TMEM201: variants seen among roughly 807,000 people sequenced by gnomAD.
TMEM201 encodes RP13-15M17.2.
TMEM201 carries 26 observed loss-of-function variants against 63.4 expected under a neutral mutation model. The ratio of observed to expected loss-of-function variants is 0.41; its 90% CI spans 0.30 to 0.57. The LOEUF is 0.57. TMEM201 is among the 20% of genes least tolerant of loss of function. The probability of loss-of-function intolerance (pLI) is 0.29; values close to 1 mark genes in which losing one functional copy is unlikely to be tolerated. For missense variants in TMEM201, 794 were observed against 917.7 expected, an observed-to-expected ratio of 0.87 and a Z score of 1.74; for synonymous variants, 417 against 421.6, an observed-to-expected ratio of 0.99 and a Z score of 0.14.
rs765954888 is a variant in TMEM201, at chr1:9,601,450, A to G, written c.952A>G (p.Ile318Val). ...GCTGGCAATGCTGCTGGCTGGCCGC[A>G]TCAGGTGTGCATGGGGCCAGGGCCA... ...CLLAMLLAGRIRLRRIDAFCT... is the reference protein window; with the variant it reads ...CLLAMLLAGRVRLRRIDAFCT... The change falls in exon 5 of 11, where the codon ATC becomes GTC. Residue 318 changes from isoleucine (I) to valine (V), a missense_variant. Physicochemically the swap from Ile to Val is conservative, Grantham distance 29 (BLOSUM62 3). Coordinates refer to ENST00000340381, the MANE Select transcript of TMEM201 (RefSeq NM_001130924.3). The G allele has an allele frequency of 3.2e-6, 5 of 1,582,788 alleles. No homozygotes were observed. In the African/African-American group the frequency reaches 6.7e-5, roughly 21 times the overall value.
In TMEM201 at chr1:9,596,083, C is replaced by A. The variant is rs977513983; in HGVS notation, c.234+73C>A. On this transcript the variant is annotated intron_variant, in intron 2 of 10. Transcript: ENST00000340381. ...CTTGAGATTTGCACCTTGAGACCAC[C>A]CTGTGTCCCTGCCCTGCCCCGGGGC... 6.4e-6 allele frequency: 10 copies of A among 1,559,326 alleles called. No homozygotes were observed. The East Asian group carries it at 6.9e-5, about 11-fold the overall frequency.
chr1:9,589,669 A>G (rs1250395916), intron 1 of TMEM201, among the ~76,000 whole-genome samples: 1 of 152,222 alleles, frequency 6.6e-6, no homozygotes, highest in African/African-American at 2.4e-5. Flanking sequence ...TGCCCGGCTC[A>G]CGGGCCATGC....
rs1644190660 is a variant in TMEM201 at position 9,603,679 on chromosome 1, C to T, written c.1160+1407C>T. 5 of 985,498 alleles carry T rather than the reference C, an allele frequency of 5.1e-6. No individual in the cohort carries two copies. The highest frequency in any genetic ancestry group is 6.0e-6 in the Non-Finnish European group (5 of 829,984). 61.0% of individuals were successfully genotyped at this position (985,498 alleles called of 1,614,324 possible). ...ATGGGTTGGGGGGGCAGGTGCCAGG[C>T]CTCACTGCTGTGAATCTGCCACGCC... On this transcript the variant is annotated intron_variant, in intron 6 of 10. Transcript: ENST00000340381. The surrounding 1 kb of genome is among the most constrained non-coding windows in gnomAD (Gnocchi z 4.5).
At chr1:9,595,784 C>T (rs1486111466) in intron 1 of TMEM201, 106 bp from the exon 2 acceptor site, 1 of 1,531,032 alleles carries the variant, frequency 6.5e-7, no homozygotes, top group East Asian at 2.3e-5. Context: ...TCCCAGATCC[C>T]ACTCCCAGCA....
chr1:9,605,350 C>T lies in TMEM201; in HGVS notation c.1161-2207C>T, dbSNP rs1644223603. On this transcript the variant is annotated intron_variant, in intron 6 of 10. Transcript: ENST00000340381. The surrounding 1 kb of genome is among the most constrained non-coding windows in gnomAD (Gnocchi z 5.7). ...CCAGAGCCAGCATCCAGGCCTGATC[C>T]TGGCCTCTTAGTCCCTCTCTGACAC... Among the ~76,000 whole-genome samples, 2 of 152,110 alleles carry T rather than the reference C, an allele frequency of 1.3e-5. No homozygotes were observed. Among genetic ancestry groups the T allele is most frequent in the East Asian group, 3.9e-4 (2 of 5,170 alleles).
Position 9,610,672 on chromosome 1 carries a change from G to A in TMEM201, c.1632G>A (p.Pro544=), listed in dbSNP as rs557143416. ...AGGGACAGAAGCTGCTGCTGTTCCC[G>A]TCACCCCCTGGAGAGGCCCCCACCA... is the stretch of plus-strand genomic sequence containing the variant. The part of the protein sequence containing the change: ...NLKGQKLLLF[P]SPPGEAPTTP... Residue 544 remains proline, a synonymous_variant, in exon 9 of 11, where the codon CCG becomes CCA. Transcript: ENST00000340381. This position sits in a 1 kb window ranked among gnomAD's most constrained non-coding sequence, Gnocchi z 4.9. 97 of 1,550,518 alleles carry A rather than the reference G, an allele frequency of 6.3e-5. No homozygotes were observed. Among genetic ancestry groups the A allele is most frequent in the Middle Eastern group, 5.0e-4 (3 of 5,992 alleles).
At position 9,588,958 on chromosome 1, in the gene TMEM201, C is replaced by T. The variant is rs1286173163; in HGVS notation, c.28C>T (p.Arg10Cys). Residue 10 changes from arginine to cysteine, a missense_variant, in exon 1 of 11, where the codon CGC becomes TGC. Arg to Cys is a radical substitution (Grantham distance 180). Transcript: ENST00000340381. ...GGAGGGAGTGAGCGCGCTGCTGGCC[C>T]GCTGCCCCACGGCCGGCCTGGCCGG... Reference protein sequence around the residue: MEGVSALLARCPTAGLAGGL... With the variant: MEGVSALLACCPTAGLAGGL... 1 of 1,270,854 alleles carries T rather than the reference C, an allele frequency of 7.9e-7. No homozygotes were observed. The highest frequency in any genetic ancestry group is 1.6e-5 in the South Asian group (1 of 63,652). The allele number at this position is 1,270,854 out of a possible 1,614,324, so 78.7% of individuals were successfully genotyped here.
intron 1 of TMEM201, among the ~76,000 whole-genome samples, chr1:9,589,837 A>G (rs912362768): frequency 2.6e-5 from 4 of 152,218 alleles, no homozygotes; most frequent in Non-Finnish European, 5.9e-5. Context: ...GGTTGTGAGA[A>G]CATCCTAGAA....
chr1:9,606,277 G>A (rs913981538), intron 6 of TMEM201: 4 of 152,216 alleles, frequency 2.6e-5, no homozygotes, highest in Non-Finnish European at 5.9e-5. Context: ...TGTCCAGTCC[G>A]GCTGACCGGG....
intron 1 of TMEM201, among the ~76,000 whole-genome samples, chr1:9,593,999 G>A (rs1260365164): frequency 6.6e-6 from 1 of 152,260 alleles, no homozygotes; most frequent in Non-Finnish European, 1.5e-5. Flanking sequence ...ACATGCCCCA[G>A]AGCGAGTCTC....
chr1:9,591,233 G>A (rs112940829), intron 1 of TMEM201, among the ~76,000 whole-genome samples: 1,806 of 152,340 alleles, frequency 0.012, 32 homozygotes, highest in African/African-American at 0.041. Flanking sequence ...TCATGAAACT[G>A]CCAGGGCGGG....
At chr1:9,594,003 G>A (rs918849665) in intron 1 of TMEM201, among the ~76,000 whole-genome samples, 4 of 152,260 alleles carry the variant, frequency 2.6e-5, no homozygotes, top group South Asian at 2.1e-4. Context: ...GCCCCAGAGC[G>A]AGTCTCCTTC....
rs2100538801 is a variant in TMEM201, at chr1:9,614,663, A to G, written c.*1580A>G. 1 of 152,068 alleles carries G rather than the reference A, an allele frequency of 6.6e-6. No homozygotes were observed. The highest frequency in any genetic ancestry group is 2.1e-4 in the South Asian group (1 of 4,820). The allele number at this position is 152,068 out of a possible 1,614,324, so 9.4% of individuals were successfully genotyped here. ...TTTGCTTAATCAAACTCCATTCCCA[A>G]ATGCACTCCATCTCTGGCTCTGAGG... On this transcript the variant is annotated 3_prime_UTR_variant, in exon 11 of 11. Transcript: ENST00000340381.
At chr1:9,593,170 A>G (rs1156828414) in intron 1 of TMEM201, among the ~76,000 whole-genome samples, 2 of 152,216 alleles carry the variant, frequency 1.3e-5, no homozygotes, top group African/African-American at 2.4e-5. Context: ...TGCTGCCTCA[A>G]CAGGCCGGGC....
At chr1:9,609,036 C>T (rs920141095) in intron 7 of TMEM201, among the ~76,000 whole-genome samples, 1 of 152,186 alleles carries the variant, frequency 6.6e-6, no homozygotes, top group Non-Finnish European at 1.5e-5. Context: ...ATCCAGCTTG[C>T]TGTCTCCCTG....
Position 9,607,040 on chromosome 1 carries a change from A to G in TMEM201, c.1161-517A>G, listed in dbSNP as rs549040557. On this transcript the variant is annotated intron_variant, in intron 6 of 10. Coordinates refer to ENST00000340381, the MANE Select transcript of TMEM201 (RefSeq NM_001130924.3). This position sits in a 1 kb window ranked among gnomAD's most constrained non-coding sequence, Gnocchi z 5.4. The stretch of plus-strand genomic sequence containing the variant: ...AGGACTTCCAGGAATCACACCTGGG[A>G]ACAGAGGGTGCCCAGAGCCGTGCTG... Among the ~76,000 whole-genome samples, 1 of 152,194 alleles carries G rather than the reference A, an allele frequency of 6.6e-6. No individual in the cohort carries two copies. The highest frequency in any genetic ancestry group is 1.5e-5 in the Non-Finnish European group (1 of 67,994).
chr1:9,602,540 C>G, intron 6 of TMEM201: 1 of 1,372,856 alleles, frequency 7.3e-7, no homozygotes, highest in East Asian at 2.8e-5. Context: ...GCCAATGGCC[C>G]TTTCACTGGC....
In TMEM201 at chr1:9,610,616, C is replaced by T. The variant is rs1336157289; in HGVS notation, c.1576C>T (p.Pro526Ser). ...CTCCGGCTCTCTGCGCCACCGCAGG[C>T]CCCTCATCAGCCCTGCCCGGCTCAA... ...SSSGSLRHRR[P>S]LISPARLNLK... The change falls in exon 9 of 11, where the codon CCC becomes TCC. Residue 526 changes from proline (P) to serine (S), a missense_variant. Transcript: ENST00000340381. The surrounding 1 kb of genome is among the most constrained non-coding windows in gnomAD (Gnocchi z 4.9). The T allele has an allele frequency of 6.4e-7, 1 of 1,550,586 alleles. No homozygotes were observed. The highest frequency in any genetic ancestry group is 2.0e-5 in the Admixed American group (1 of 50,992).
Position 9,608,647 on chromosome 1 carries a change from G to C in TMEM201, c.1393+858G>C, listed in dbSNP as rs377460068. On this transcript the variant is annotated intron_variant, in intron 7 of 10. Coordinates refer to ENST00000340381, the MANE Select transcript of TMEM201 (RefSeq NM_001130924.3). The surrounding 1 kb of genome is among the most constrained non-coding windows in gnomAD (Gnocchi z 4.3). Reference sequence around the variant, plus strand: ...GGCCTGAGCACTCCGAGTAAACTCTGTGCGCACTGACCAAGGTGGCAGAGC... The same window carrying C: ...GGCCTGAGCACTCCGAGTAAACTCTCTGCGCACTGACCAAGGTGGCAGAGC... 6.6e-6 allele frequency among the ~76,000 whole-genome samples: 1 copy of C among 152,204 alleles called. No individual in the cohort carries two copies. The highest frequency in any genetic ancestry group is 1.5e-5 in the Non-Finnish European group (1 of 68,040).
Sources: gnomAD v4.1 joint callset for allele counts (sites outside exome capture counted in the v4.1 genomes callset) on GRCh38, gnomAD v4.1.1 for gene constraint, Gnocchi (gnomAD v3.1) non-coding constraint, MANE v1.5 for transcripts, NCBI Gene and HGNC (gene_info 2026-07-23, HGNC 2026-07-21) for gene names.